Variants in NEK7 observed in about 807,000 individuals in gnomAD.
NEK7 encodes the protein serine/threonine-protein kinase Nek7.
Under a neutral mutation model 44.6 loss-of-function variants are expected in NEK7, and 18 were observed. The ratio of observed to expected loss-of-function variants is 0.40; its 90% CI spans 0.28 to 0.60. NEK7 has a LOEUF of 0.60. Ranked by LOEUF, NEK7 falls within the 20% of genes least tolerant of loss-of-function variation. The probability of loss-of-function intolerance (pLI) is 0.38; values close to 1 mark genes in which losing one functional copy is unlikely to be tolerated. For synonymous variants in NEK7, 130 were observed against 121.1 expected (o/e 1.07, Z -0.48); for missense variants, 256 against 366.5 (o/e 0.70, Z 2.46).
chr1:198,251,716 G>A (rs1653002474), intron 2 of NEK7, among the ~76,000 whole-genome samples: 1 of 151,752 alleles, frequency 6.6e-6, no homozygotes, highest in Admixed American at 6.6e-5. Context: ...GGGATCGGTG[G>A]TGATATCCCC....
chr1:198,273,686 T>C lies in NEK7; in HGVS notation c.373-4275T>C, dbSNP rs117441367. Among the ~76,000 whole-genome samples the C allele has an allele frequency of 2.0e-3, 304 of 151,936 alleles. 8 individuals carry two copies. The East Asian group carries it at 0.046, about 23-fold the overall frequency. ...CTTGTCATCTCATGTTAAGACCTTT[T>C]ATAGTATTAAATGGACCAATAGGGA... On this transcript the variant is annotated intron_variant, in intron 5 of 9. Transcript: ENST00000367385.
intron 1 of NEK7, among the ~76,000 whole-genome samples, chr1:198,180,552 A>G (rs1664736022): frequency 1.3e-5 from 2 of 152,010 alleles, no homozygotes; most frequent in African/African-American, 4.8e-5. Flanking sequence ...AGAATTCATA[A>G]TTTTTGTTGT....
intron 5 of NEK7, among the ~76,000 whole-genome samples, chr1:198,266,317 T>G (rs1319523225): frequency 6.6e-6 from 1 of 152,110 alleles, no homozygotes; most frequent in Non-Finnish European, 1.5e-5. Context: ...ATAATAGCTA[T>G]TGCCAAATTA....
chr1:198,176,015 C>G (rs577304923), intron 1 of NEK7, among the ~76,000 whole-genome samples: 1 of 152,252 alleles, frequency 6.6e-6, no homozygotes, highest in South Asian at 2.1e-4. Context: ...GGGGAGGGAA[C>G]TGAGACACAG....
intron 9 of NEK7, among the ~76,000 whole-genome samples, chr1:198,317,877 A>ATTTTTGTTTTTTTTTTTTTTTT (rs537862004): frequency 7.1e-5 from 5 of 70,262 alleles, no homozygotes; most frequent in East Asian, 5.0e-4. Flanking sequence ...GGATATATTT[A>ATTTTTGTTTTTTTTTTTTTTTT]TTTTTTTTTT....
chr1:198,249,181 A>T (rs1485927006), intron 2 of NEK7, among the ~76,000 whole-genome samples: 1 of 150,956 alleles, frequency 6.6e-6, no homozygotes, highest in Non-Finnish European at 1.5e-5. Flanking sequence ...GAGAATGATG[A>T]TTTCCAGTTT....
chr1:198,295,739 A>T (rs975377447), intron 8 of NEK7, among the ~76,000 whole-genome samples: 14 of 151,550 alleles, frequency 9.2e-5, no homozygotes, highest in African/African-American at 3.4e-4. Context: ...GAGAGACTAT[A>T]GTTTATATAT....
rs935886649 is a variant in NEK7 at position 198,320,980 on chromosome 1, T to C, written c.*1458T>C. 6.6e-6 allele frequency: 1 copy of C among 152,278 alleles called. No individual in the cohort carries two copies. The highest frequency in any genetic ancestry group is 2.4e-5 in the African/African-American group (1 of 41,458). 9.4% of individuals were successfully genotyped at this position (152,278 alleles called of 1,614,324 possible). On this transcript the variant is annotated 3_prime_UTR_variant, in exon 10 of 10. Transcript: ENST00000367385. ...TAGTGGCGACCAGTTTCTCACAGAA[T>C]TGTGAAGCCTGAAGGCCAAGAGGAA...
At chr1:198,308,007 T>A (rs1655065630) in intron 9 of NEK7, among the ~76,000 whole-genome samples, 1 of 152,188 alleles carries the variant, frequency 6.6e-6, no homozygotes, top group Non-Finnish European at 1.5e-5. Flanking sequence ...AGTTCCACCT[T>A]TAATTTTTTA....
chr1:198,205,645 T>C (rs1407256967), intron 1 of NEK7, among the ~76,000 whole-genome samples: 1 of 152,090 alleles, frequency 6.6e-6, no homozygotes, highest in East Asian at 1.9e-4. Flanking sequence ...TATTTACTCA[T>C]GACATACACT....
chr1:198,212,800 C>G (rs545716869), intron 1 of NEK7, among the ~76,000 whole-genome samples: 22 of 152,366 alleles, frequency 1.4e-4, no homozygotes, highest in Admixed American at 1.2e-3. Context: ...CACCTCCCGG[C>G]TGGAGGCCAA....
At chr1:198,315,252 C>T (rs893511431) in intron 9 of NEK7, among the ~76,000 whole-genome samples, 1 of 152,220 alleles carries the variant, frequency 6.6e-6, no homozygotes, top group African/African-American at 2.4e-5. Flanking sequence ...TCTCTGACCC[C>T]TTGCGCTTCC....
intron 1 of NEK7, among the ~76,000 whole-genome samples, chr1:198,224,225 G>A (rs1459353464): frequency 6.6e-6 from 1 of 152,006 alleles, no homozygotes; most frequent in East Asian, 1.9e-4. Flanking sequence ...AATTCCTATT[G>A]CCTAGTGATA....
At chr1:198,282,950 G>A (rs967949480) in intron 7 of NEK7, among the ~76,000 whole-genome samples, 1 of 152,114 alleles carries the variant, frequency 6.6e-6, no homozygotes, top group Non-Finnish European at 1.5e-5. Flanking sequence ...TGATATGACA[G>A]AAAATGGCCA....
chr1:198,217,949 A>T (rs576685681), intron 1 of NEK7, among the ~76,000 whole-genome samples: 3 of 152,144 alleles, frequency 2.0e-5, no homozygotes. Flanking sequence ...AACAAATGGA[A>T]ATACATCCCA....
intron 9 of NEK7, among the ~76,000 whole-genome samples, chr1:198,299,410 TATA>T (rs1177552846): frequency 2.0e-5 from 3 of 152,194 alleles, no homozygotes; most frequent in African/African-American, 7.2e-5. Flanking sequence ...TTGGTAGTGC[TATA>T]ATGTCTTAAA....
intron 2 of NEK7, among the ~76,000 whole-genome samples, chr1:198,246,671 C>T (rs1020132126): frequency 6.6e-5 from 10 of 152,264 alleles, no homozygotes; most frequent in Non-Finnish European, 2.9e-5. Context: ...TGCCAAAACA[C>T]ATTAGTAAGA....
At position 198,301,515 on chromosome 1, in the gene NEK7, G is replaced by A. The variant is rs573667177; in HGVS notation, c.798+4275G>A. Reference sequence around the variant, plus strand: ...CAGTGAGCCGAGATCGCGCCACTGCGTTCCAGCCTGGGCGACAGAGCAAGA... The same window carrying A: ...CAGTGAGCCGAGATCGCGCCACTGCATTCCAGCCTGGGCGACAGAGCAAGA... On this transcript the variant is annotated intron_variant, in intron 9 of 9. Coordinates refer to ENST00000367385, the MANE Select transcript of NEK7 (RefSeq NM_133494.3). Among the ~76,000 whole-genome samples the A allele has an allele frequency of 2.1e-3, 315 of 152,296 alleles. 1 individual carries two copies. Among genetic ancestry groups the A allele is most frequent in the Non-Finnish European group, 3.9e-3 (264 of 68,022 alleles).
At chr1:198,309,546 G>A (rs59295157) in intron 9 of NEK7, among the ~76,000 whole-genome samples, 76,490 of 150,924 alleles carry the variant, frequency 0.51, 22,495 homozygotes, top group East Asian at 0.89. Flanking sequence ...CGCTGCACCA[G>A]CTCGTCTTCT....
Sources: allele counts gnomAD v4.1 joint callset (sites outside exome capture counted in the v4.1 genomes callset), GRCh38; gene constraint gnomAD v4.1.1; transcripts MANE v1.5; gene names NCBI Gene and HGNC (gene_info 2026-07-23, HGNC 2026-07-21).